NFATC4: variants seen among roughly 807,000 people sequenced by gnomAD.
NFATC4 encodes nuclear factor of activated T cells 4, also known as nuclear factor of activated T-cells, cytoplasmic 4.
In NFATC4, 25 loss-of-function variants were observed where a neutral mutation model predicts 73.4. The ratio of observed to expected loss-of-function variants is 0.34; its 90% CI spans 0.25 to 0.48. The LOEUF (loss-of-function observed/expected upper bound fraction) is 0.48. Among genes scored for constraint, NFATC4 ranks in the 20% least tolerant of loss-of-function variants. The pLI is 0.99. For missense variants in NFATC4, 1,130 were observed against 1,203.7 expected (o/e 0.94, Z 0.91); for synonymous variants, 523 against 510.3 (o/e 1.02, Z -0.34).
chr14:24,376,781 C>A lies in NFATC4; in HGVS notation c.2544C>A (p.Gly848=). 6.2e-7 allele frequency: 1 copy of A among 1,612,806 alleles called. No homozygotes were observed. Among genetic ancestry groups the A allele is most frequent in the Non-Finnish European group, 8.5e-7 (1 of 1,179,542 alleles). The change falls in exon 9 of 10, where the codon GGC becomes GGA. Residue 848 remains glycine, a synonymous_variant. Coordinates refer to ENST00000250373, the MANE Select transcript of NFATC4 (RefSeq NM_004554.5). This position sits in a 1 kb window ranked among gnomAD's most constrained non-coding sequence, Gnocchi z 5.0. The stretch of plus-strand genomic sequence containing the variant: ...ACAATAAGGTAGGGCCAGGCTATGG[C>A]CCTGGGGAGGGGGCTCCGGAGCAGG... ...EGYNKVGPGY[G]PGEGAPEQEK... is the part of the protein sequence containing the mutation.
In NFATC4 at chr14:24,370,097, G is replaced by C. The variant is rs771245272; in HGVS notation, c.699G>C (p.Leu233=). The part of the protein sequence containing the change: ...RPWTPEDPWS[L]YGPSPGGRGP... ...GGACCCCCGAAGATCCCTGGAGCCTGTATGGTCCAAGCCCCGGAGGCCGAG... is the reference window on the plus strand; with the variant it reads ...GGACCCCCGAAGATCCCTGGAGCCTCTATGGTCCAAGCCCCGGAGGCCGAG... The change falls in exon 2 of 10, where the codon CTG becomes CTC. Residue 233 remains leucine (L), a synonymous_variant. Coordinates refer to ENST00000250373, the MANE Select transcript of NFATC4 (RefSeq NM_004554.5). The C allele has an allele frequency of 6.9e-6, 11 of 1,604,652 alleles. No homozygotes were observed. In the Admixed American group the frequency reaches 1.8e-4, roughly 27 times the overall value.
rs368162484 is a variant in NFATC4, at chr14:24,372,489, G to C, written c.1245G>C (p.Glu415Asp). 2.1e-5 allele frequency: 34 copies of C among 1,613,990 alleles called. No homozygotes were observed. The South Asian group carries it at 3.4e-4, about 16-fold the overall frequency. ...PLDWPLPSQY[E>D]QLELRIEVQP... ...ACTGGCCTCTGCCCAGCCAATATGA[G>C]CAGCTGGAGCTGAGGATCGAGGTAC... Residue 415 changes from glutamate to aspartate, a missense_variant, in exon 3 of 10, where the codon GAG becomes GAC. By Grantham distance (45) the Glu-to-Asp change is conservative (BLOSUM62 2). This residue lies in a region of NFATC4 where 585 missense variants were observed against 574.3 expected (regional missense o/e 1.02). Coordinates refer to ENST00000250373, the MANE Select transcript of NFATC4 (RefSeq NM_004554.5).
At position 24,376,717 on chromosome 14, in the gene NFATC4, C is replaced by A. The variant is rs774970090; in HGVS notation, c.2480C>A (p.Pro827His). The change falls in exon 9 of 10, where the codon CCT becomes CAT. Residue 827 changes from proline to histidine, a missense_variant. Coordinates refer to ENST00000250373, the MANE Select transcript of NFATC4 (RefSeq NM_004554.5). The surrounding 1 kb of genome is among the most constrained non-coding windows in gnomAD (Gnocchi z 5.0). ...TCCCCACCGCTTGAAGGCCCCTTCC[C>A]TTCCCAGAGTGATGTGCATCCCCTA... ...PASPPLEGPF[P>H]SQSDVHPLPA... The A allele has an allele frequency of 1.2e-6, 2 of 1,613,986 alleles. No homozygotes were observed. Among genetic ancestry groups the A allele is most frequent in the Admixed American group, 1.7e-5 (1 of 60,008 alleles).
Position 24,377,363 on chromosome 14 carries a change from C to G in NFATC4, c.2642-275C>G. On this transcript the variant is annotated intron_variant, in intron 9 of 9. Coordinates refer to ENST00000250373, the MANE Select transcript of NFATC4 (RefSeq NM_004554.5). The surrounding 1 kb of genome is among the most constrained non-coding windows in gnomAD (Gnocchi z 4.2). ...TTGGCTACACCCATCTCTGGCCCTGCTGATACCGATTCCCCTGACATTTCA... is the reference window on the plus strand; with the variant it reads ...TTGGCTACACCCATCTCTGGCCCTGGTGATACCGATTCCCCTGACATTTCA... 1 of 1,349,164 alleles carries G rather than the reference C, an allele frequency of 7.4e-7. No homozygotes were observed. Among genetic ancestry groups the G allele is most frequent in the Non-Finnish European group, 9.5e-7 (1 of 1,050,548 alleles). 83.6% of individuals were successfully genotyped at this position (1,349,164 alleles called of 1,614,324 possible). A position where few individuals can be genotyped will look rare whatever the true frequency, so the allele number is the denominator to read the frequency against.
intron 2 of NFATC4, among the ~76,000 whole-genome samples, chr14:24,371,468 T>G (rs2139289880): frequency 6.6e-6 from 1 of 152,336 alleles, no homozygotes; most frequent in African/African-American, 2.4e-5. Flanking sequence ...CTTCAGACAT[T>G]GCCAAATATC....
rs767313894 is a variant in NFATC4, at chr14:24,377,610, C to A, written c.2642-28C>A. The A allele has an allele frequency of 3.4e-5, 55 of 1,613,972 alleles. No homozygotes were observed. The highest frequency in any genetic ancestry group is 8.5e-7 in the Non-Finnish European group (1 of 1,180,008). On this transcript the variant is annotated intron_variant, in intron 9 of 9. Transcript: ENST00000250373. The surrounding 1 kb of genome is among the most constrained non-coding windows in gnomAD (Gnocchi z 4.2). ...AAAAGGAGGGGACCCACCTCTAGCC[C>A]AGTCTCTCAACTGCCCCTCCTTTAC...
intron 6 of NFATC4, among the ~76,000 whole-genome samples, chr14:24,375,091 G>A (rs543562389): frequency 2.0e-5 from 3 of 152,208 alleles, no homozygotes; most frequent in East Asian, 1.9e-4. Flanking sequence ...TGTAGAGACA[G>A]GTTCTCCCCA....
Position 24,373,840 on chromosome 14 carries a change from C to G in NFATC4, c.1705C>G (p.Gln569Glu). ...GGGCGGCGGGAAGGTCGTCTCAGTACAGGCAGCATCGGTGCCCATCGAGTG... is the reference window on the plus strand; with the variant it reads ...GGGCGGCGGGAAGGTCGTCTCAGTAGAGGCAGCATCGGTGCCCATCGAGTG... ...PQGGGKVVSV[Q>E]AASVPIECSQ... Residue 569 changes from glutamine to glutamate, a missense_variant, in exon 5 of 10, where the codon CAG becomes GAG. By Grantham distance (29) the Gln-to-Glu change is conservative (BLOSUM62 2). Transcript: ENST00000250373. This position sits in a 1 kb window ranked among gnomAD's most constrained non-coding sequence, Gnocchi z 4.7. 9.9e-6 allele frequency: 16 copies of G among 1,614,064 alleles called. No individual in the cohort carries two copies. Among genetic ancestry groups the G allele is most frequent in the Non-Finnish European group, 1.4e-5 (16 of 1,180,036 alleles).
upstream of NFATC4, chr14:24,367,735 C>A (rs1354248436): frequency 2.0e-6 from 3 of 1,468,488 alleles, no homozygotes; most frequent in Admixed American, 2.4e-5. Context: ...TGGCCTCAGG[C>A]TTGGAGGGAA....
In NFATC4 at chr14:24,378,014, G is replaced by C. The variant is rs1204635494; in HGVS notation, c.*309G>C. The stretch of plus-strand genomic sequence containing the variant: ...TGTGGGCTGGCTGTTGTGCTGGAAA[G>C]CTGGGGACAGGTTGATGGTAATAAA... On this transcript the variant is annotated 3_prime_UTR_variant, in exon 10 of 10. Transcript: ENST00000250373. 1 of 486,922 alleles carries C rather than the reference G, an allele frequency of 2.1e-6. No individual in the cohort carries two copies. The highest frequency in any genetic ancestry group is 3.7e-6 in the Non-Finnish European group (1 of 269,672). The allele number at this position is 486,922 out of a possible 1,614,324, so 30.2% of individuals were successfully genotyped here.
In NFATC4 at chr14:24,369,775, A is replaced by G; in HGVS notation, c.377A>G (p.Glu126Gly). 1 of 1,595,674 alleles carries G rather than the reference A, an allele frequency of 6.3e-7. No individual in the cohort carries two copies. The highest frequency in any genetic ancestry group is 8.5e-7 in the Non-Finnish European group (1 of 1,171,214). ...ATCACCTCCATCTCTCCCACGCCGGAGCCGCCAGCAGCGCTGGAGGACAAC... is the reference window on the plus strand; with the variant it reads ...ATCACCTCCATCTCTCCCACGCCGGGGCCGCCAGCAGCGCTGGAGGACAAC... ...IRITSISPTP[E>G]PPAALEDNPD... is the part of the protein sequence containing the mutation. Residue 126 changes from glutamate (E) to glycine (G), a missense_variant, in exon 2 of 10, where the codon GAG becomes GGG. Glu to Gly is a moderately conservative substitution (Grantham distance 98). Transcript: ENST00000250373.
At position 24,375,909 on chromosome 14, in the gene NFATC4, C is replaced by T. The variant is rs2042600305; in HGVS notation, c.1930-66C>T. ...GAAGGCTAGGAGGTGGAGTCTGGGC[C>T]CCTGGAAAGGCTGGGCTAAGCCCAG... On this transcript the variant is annotated intron_variant, in intron 7 of 9. Transcript: ENST00000250373. The T allele has an allele frequency of 3.1e-6, 5 of 1,606,374 alleles. No individual in the cohort carries two copies. The Admixed American group carries it at 6.7e-5, about 22-fold the overall frequency.
intron 5 of NFATC4, 50 bp from the exon 6 acceptor site, chr14:24,374,276 A>G: frequency 6.4e-7 from 1 of 1,563,288 alleles, no homozygotes; most frequent in Non-Finnish European, 8.6e-7. Flanking sequence ...AGAGGAGGCC[A>G]CCCCTCCATG....
chr14:24,376,106 G>A lies in NFATC4; in HGVS notation c.2056+5G>A, dbSNP rs750184832. The stretch of plus-strand genomic sequence containing the variant: ...AGAGTTTCAGGTTTCTGCCTGGTGC[G>A]CTCTGGGACAGCCCATGGTGGGGGT... On this transcript the variant is annotated splice_donor_5th_base_variant and intron_variant, in intron 8 of 9. Coordinates refer to ENST00000250373, the MANE Select transcript of NFATC4 (RefSeq NM_004554.5). This position sits in a 1 kb window ranked among gnomAD's most constrained non-coding sequence, Gnocchi z 5.0. The A allele has an allele frequency of 6.2e-7, 1 of 1,613,936 alleles. No homozygotes were observed. Among genetic ancestry groups the A allele is most frequent in the East Asian group, 2.2e-5 (1 of 44,866 alleles).
At position 24,373,352 on chromosome 14, in the gene NFATC4, A is replaced by G; in HGVS notation, c.1541A>G (p.Glu514Gly). The change falls in exon 4 of 10, where the codon GAG becomes GGG. Residue 514 changes from glutamate (E) to glycine (G), a missense_variant. Physicochemically the swap from Glu to Gly is moderately conservative, Grantham distance 98 (BLOSUM62 -2). Around this residue, in one of 3 missense-constraint regions of NFATC4, gnomAD observed 155 missense variants for 221.2 expected, o/e 0.70. Transcript: ENST00000250373. This position sits in a 1 kb window ranked among gnomAD's most constrained non-coding sequence, Gnocchi z 4.7. Reference sequence around the variant, plus strand: ...GTGTTGGAGATGACTCTGCTGCCTGAGAACAACATGGCGGCCAAGTAAGTC... The same window carrying G: ...GTGTTGGAGATGACTCTGCTGCCTGGGAACAACATGGCGGCCAAGTAAGTC... ...TKVLEMTLLP[E>G]NNMAANIDCA... 1 of 1,614,080 alleles carries G rather than the reference A, an allele frequency of 6.2e-7. No homozygotes were observed. The highest frequency in any genetic ancestry group is 8.5e-7 in the Non-Finnish European group (1 of 1,180,046).
At chr14:24,375,759 G>GGGGGCC in intron 7 of NFATC4, 44 bp downstream of exon 7, 1 of 617,012 alleles carries the variant, frequency 1.6e-6, no homozygotes, top group Non-Finnish European at 3.0e-6. Flanking sequence ...GGGGGTGGGA[G>GGGGGCC]AAGGCAGGGG....
chr14:24,369,443 T>C, intron 1 of NFATC4, 56 bp from the exon 2 acceptor site: 1 of 1,611,042 alleles, frequency 6.2e-7, no homozygotes, highest in Non-Finnish European at 8.5e-7. Flanking sequence ...AACATAGCCA[T>C]CTCACCTGCT....
chr14:24,367,428 T>A, upstream of NFATC4: 1 of 1,535,658 alleles, frequency 6.5e-7, no homozygotes, highest in Admixed American at 2.0e-5. Flanking sequence ...ACGGCCCCTC[T>A]GGGTGGCTGG....
Position 24,376,475 on chromosome 14 carries a change from C to T in NFATC4, c.2238C>T (p.Pro746=). ...YLSEGFGYGM[P]PLYPQTGPPP... Reference sequence around the variant, plus strand: ...CAGAAGGCTTCGGCTATGGCATGCCCCCTCTGTACCCCCAGACGGGGCCCC... The same window carrying T: ...CAGAAGGCTTCGGCTATGGCATGCCTCCTCTGTACCCCCAGACGGGGCCCC... The change falls in exon 9 of 10, where the codon CCC becomes CCT. Residue 746 remains proline (P), a synonymous_variant. Coordinates refer to ENST00000250373, the MANE Select transcript of NFATC4 (RefSeq NM_004554.5). The surrounding 1 kb of genome is among the most constrained non-coding windows in gnomAD (Gnocchi z 5.0). 6.2e-7 allele frequency: 1 copy of T among 1,613,672 alleles called. No individual in the cohort carries two copies. Among genetic ancestry groups the T allele is most frequent in the Non-Finnish European group, 8.5e-7 (1 of 1,179,822 alleles).
Sources: gnomAD v4.1 joint callset for allele counts (sites outside exome capture counted in the v4.1 genomes callset) on GRCh38, gnomAD v4.1.1 for gene constraint, gnomAD v4.1.1 regional missense constraint, Gnocchi (gnomAD v3.1) non-coding constraint, MANE v1.5 for transcripts, NCBI Gene and HGNC (gene_info 2026-07-23, HGNC 2026-07-21) for gene names.